Variants in NETO1 observed in about 807,000 individuals in gnomAD.
NETO1 encodes the protein neuropilin and tolloid-like protein 1.
NETO1 carries 26 observed loss-of-function variants against 61.3 expected under a neutral mutation model. The ratio of observed to expected loss-of-function variants is 0.42; its 90% CI spans 0.31 to 0.59. The LOEUF is 0.59. Ranked by LOEUF, NETO1 falls within the 20% of genes least tolerant of loss-of-function variation. The probability of loss-of-function intolerance (pLI) is 0.12; values close to 1 mark genes in which losing one functional copy is unlikely to be tolerated. For missense variants in NETO1, 531 were observed against 662.8 expected, an observed-to-expected ratio of 0.80 and a Z score of 2.18; for synonymous variants, 225 against 225.8, an observed-to-expected ratio of 1.00 and a Z score of 0.03.
chr18:72,864,312 T>G (rs1394889962), intron 3 of NETO1, among the ~76,000 whole-genome samples: 2 of 152,226 alleles, frequency 1.3e-5, no homozygotes, highest in Non-Finnish European at 2.9e-5. Flanking sequence ...CAAAATGAGA[T>G]GTCACTTGTT....
Position 72,794,260 on chromosome 18 carries a change from C to A in NETO1, c.512-16G>T. On this transcript the variant is annotated splice_polypyrimidine_tract_variant and intron_variant, in intron 5 of 10. Transcript: ENST00000327305. The stretch of plus-strand genomic sequence containing the variant: ...AACTCACACGCTAAATAACAAAATG[C>A]CAAACAAACACACAAAAACGGAGCT... The A allele has an allele frequency of 6.2e-7, 1 of 1,613,998 alleles. No individual in the cohort carries two copies. Among genetic ancestry groups the A allele is most frequent in the South Asian group, 1.1e-5 (1 of 91,074 alleles).
intron 4 of NETO1, among the ~76,000 whole-genome samples, chr18:72,833,271 A>G (rs948910860): frequency 6.6e-6 from 1 of 152,218 alleles, no homozygotes; most frequent in African/African-American, 2.4e-5. Context: ...CTGACATTTA[A>G]GCACTTCACC....
In NETO1 at chr18:72,747,443, A is replaced by C. The variant is rs1243791336; in HGVS notation, c.*736T>G. ...TGGTCATATTGCTGAGTGCTTAATCAAAAACATTTCTACTGTAGAGTATGA... is the reference window on the plus strand; with the variant it reads ...TGGTCATATTGCTGAGTGCTTAATCCAAAACATTTCTACTGTAGAGTATGA... On this transcript the variant is annotated 3_prime_UTR_variant, in exon 11 of 11. Transcript: ENST00000327305. The C allele has an allele frequency of 1.3e-5, 2 of 151,790 alleles. No homozygotes were observed. Among genetic ancestry groups the C allele is most frequent in the Non-Finnish European group, 2.9e-5 (2 of 67,872 alleles). 9.4% of individuals were successfully genotyped at this position (151,790 alleles called of 1,614,324 possible).
intron 8 of NETO1, among the ~76,000 whole-genome samples, 158 bp downstream of exon 8, chr18:72,755,876 C>T (rs1426718973): frequency 6.6e-6 from 1 of 151,988 alleles, no homozygotes; most frequent in African/African-American, 2.4e-5. Context: ...TGAGTAAAGG[C>T]TAAGAAAAAC....
At chr18:72,773,402 T>C (rs1157735248) in intron 7 of NETO1, among the ~76,000 whole-genome samples, 1 of 152,148 alleles carries the variant, frequency 6.6e-6, no homozygotes, top group African/African-American at 2.4e-5. Flanking sequence ...AATAACCAAA[T>C]GATATCCCAG....
rs547096229 is a variant in NETO1, at chr18:72,810,551, T to C, written c.470-16147A>G. ...GGAAATAGTGCTAAAATGGAAGTCTTAGAATTTTTAACAGTGTTATACCAC... is the reference window on the plus strand; with the variant it reads ...GGAAATAGTGCTAAAATGGAAGTCTCAGAATTTTTAACAGTGTTATACCAC... On this transcript the variant is annotated intron_variant, in intron 4 of 10. Transcript: ENST00000327305. Among the ~76,000 whole-genome samples the C allele has an allele frequency of 2.9e-4, 44 of 152,336 alleles. No homozygotes were observed. In the Middle Eastern group the frequency reaches 0.017, roughly 59 times the overall value.
intron 4 of NETO1, among the ~76,000 whole-genome samples, chr18:72,828,273 T>C (rs1159003371): frequency 6.6e-6 from 1 of 151,972 alleles, no homozygotes; most frequent in Non-Finnish European, 1.5e-5. Context: ...ATCGCACCAT[T>C]GCACTCCATC....
Position 72,763,600 on chromosome 18 carries a change from A to C in NETO1, c.869-7453T>G, listed in dbSNP as rs9789125. On this transcript the variant is annotated intron_variant, in intron 7 of 10. Coordinates refer to ENST00000327305, the MANE Select transcript of NETO1 (RefSeq NM_138966.5). ...CTCATACACCACACACACACTCACA[A>C]ACACACACACCATTCACACACACAC... Among the ~76,000 whole-genome samples, 81 of 151,504 alleles carry C rather than the reference A, an allele frequency of 5.3e-4. No homozygotes were observed. In the South Asian group the frequency reaches 6.4e-3, roughly 12 times the overall value.
chr18:72,785,632 G>A (rs2071888701), intron 6 of NETO1, among the ~76,000 whole-genome samples: 1 of 152,142 alleles, frequency 6.6e-6, no homozygotes, highest in African/African-American at 2.4e-5. Flanking sequence ...TTGGTGTGCT[G>A]CACCCATTAA....
chr18:72,782,762 CCGT>C (rs1388422180), intron 7 of NETO1, among the ~76,000 whole-genome samples: 1 of 152,080 alleles, frequency 6.6e-6, no homozygotes, highest in African/African-American at 2.4e-5. Flanking sequence ...TGAGATCGCA[CCGT>C]CGCACTCCAG....
rs540113747 is a variant in NETO1, at chr18:72,747,083, C to T, written c.*1096G>A. ...AAATATTCCCCTAAACTTTTAGAAG[C>T]CAAATATTTTGGGAAGTAAACCTCA... On this transcript the variant is annotated 3_prime_UTR_variant, in exon 11 of 11. Transcript: ENST00000327305. 6.6e-6 allele frequency: 1 copy of T among 151,880 alleles called. No individual in the cohort carries two copies. The highest frequency in any genetic ancestry group is 1.9e-4 in the East Asian group (1 of 5,154). The allele number at this position is 151,880 out of a possible 1,614,324, so 9.4% of individuals were successfully genotyped here. A position where few individuals can be genotyped will look rare whatever the true frequency, so the allele number is the denominator to read the frequency against.
chr18:72,784,419 C>T (rs1490358340), intron 6 of NETO1, among the ~76,000 whole-genome samples: 2 of 152,032 alleles, frequency 1.3e-5, no homozygotes, highest in Admixed American at 6.6e-5. Flanking sequence ...ATTTTTGAGT[C>T]GAAGTATAAT....
chr18:72,791,464 C>A (rs2072114106), intron 6 of NETO1, among the ~76,000 whole-genome samples: 1 of 152,204 alleles, frequency 6.6e-6, no homozygotes. Context: ...TTCAAAGCCA[C>A]TTCCCATCCT....
intron 4 of NETO1, among the ~76,000 whole-genome samples, chr18:72,819,698 T>G (rs1179628928): frequency 6.6e-6 from 1 of 152,136 alleles, no homozygotes; most frequent in Non-Finnish European, 1.5e-5. Flanking sequence ...TATTGGAAAC[T>G]TTCTAAAATT....
chr18:72,866,247 G>T (rs373901205), intron 1 of NETO1, among the ~76,000 whole-genome samples: 1 of 152,022 alleles, frequency 6.6e-6, no homozygotes, highest in East Asian at 1.9e-4. Context: ...AATATTTCCT[G>T]AATTAAAGCT....
At chr18:72,781,871 C>CAT (rs59300819) in intron 7 of NETO1, among the ~76,000 whole-genome samples, 50,704 of 151,874 alleles carry the variant, frequency 0.33, 8,709 homozygotes, top group Admixed American at 0.46. Context: ...GTTTCAGATT[C>CAT]GGGGTACATG....
chr18:72,748,248 T>C (rs2070475756), intron 10 of NETO1, 84 bp from the exon 11 acceptor site: 1 of 981,976 alleles, frequency 1.0e-6, no homozygotes, highest in East Asian at 1.1e-4. Flanking sequence ...ATATAGAGCA[T>C]GGAAATGCAT....
chr18:72,848,397 T>C (rs532181248), intron 4 of NETO1, among the ~76,000 whole-genome samples: 1 of 152,042 alleles, frequency 6.6e-6, no homozygotes, highest in Non-Finnish European at 1.5e-5. Flanking sequence ...ATCTACATCA[T>C]TAAAATCAGG....
chr18:72,815,548 A>G (rs2073005488), intron 4 of NETO1, among the ~76,000 whole-genome samples: 1 of 152,192 alleles, frequency 6.6e-6, no homozygotes, highest in African/African-American at 2.4e-5. Context: ...CGTTTAATAC[A>G]AGTCATTTAA....
Sources: gnomAD v4.1 joint callset for allele counts (sites outside exome capture counted in the v4.1 genomes callset) on GRCh38, gnomAD v4.1.1 for gene constraint, MANE v1.5 for transcripts, NCBI Gene and HGNC (gene_info 2026-07-23, HGNC 2026-07-21) for gene names.